The following PTCH1 variants were observed in gnomAD, a reference collection of about 807,000 sequenced individuals.
PTCH1 encodes protein patched homolog 1.
PTCH1 carries 14 observed loss-of-function variants against 144.6 expected under a neutral mutation model. That is an observed-to-expected ratio of 0.10 (90% CI 0.06 to 0.15). The LOEUF is 0.15. PTCH1 is among the 10% of genes least tolerant of loss of function. The probability of loss-of-function intolerance (pLI) is 1.00; values close to 1 mark genes in which losing one functional copy is unlikely to be tolerated. For synonymous variants in PTCH1, 833 were observed against 793.6 expected, an observed-to-expected ratio of 1.05 and a Z score of -0.83; for missense variants, 1,623 against 1,948.3, an observed-to-expected ratio of 0.83 and a Z score of 3.14.
chr9:95,457,335 A>G (rs2136656486), intron 18 of PTCH1, among the ~76,000 whole-genome samples: 1 of 152,286 alleles, frequency 6.6e-6, no homozygotes, highest in East Asian at 1.9e-4. Flanking sequence ...CAGACTAAAC[A>G]TTTACCTTTT....
Position 95,476,345 on chromosome 9 carries a change from T to C in PTCH1, c.1603-186A>G, listed in dbSNP as rs1325783470. 6.6e-6 allele frequency among the ~76,000 whole-genome samples: 1 copy of C among 152,094 alleles called. No homozygotes were observed. The highest frequency in any genetic ancestry group is 2.4e-5 in the African/African-American group (1 of 41,406). On this transcript the variant is annotated intron_variant, in intron 11 of 23. Coordinates refer to ENST00000331920, the MANE Select transcript of PTCH1 (RefSeq NM_000264.5). This position sits in a 1 kb window ranked among gnomAD's most constrained non-coding sequence, Gnocchi z 4.6. ...GCATTATTCAGTACCATCTACAGAGTCATCAATTCTTCATGGTTATTACCA... is the reference window on the plus strand; with the variant it reads ...GCATTATTCAGTACCATCTACAGAGCCATCAATTCTTCATGGTTATTACCA...
At chr9:95,452,328 GACACACACACACAC>G (rs59002919) in intron 20 of PTCH1, 4 of 147,772 alleles carry the variant, frequency 2.7e-5, no homozygotes, top group East Asian at 2.0e-4. Flanking sequence ...CTCTCTCTCT[GACACACACACACAC>G]ACACACACAC....
chr9:95,507,759 G>A lies in PTCH1; in HGVS notation c.201+402C>T, dbSNP rs1843816434. The A allele has an allele frequency of 1.3e-5, 3 of 238,708 alleles. 1 individual carries two copies. Among genetic ancestry groups the A allele is most frequent in the Non-Finnish European group, 2.2e-5 (3 of 138,434 alleles). 14.8% of individuals were successfully genotyped at this position (238,708 alleles called of 1,614,324 possible). ...AATGTGGCAGCCGTACAGGAGTTTA[G>A]GCTGCAAATAGGGGCAGGGGCGCAG... is the stretch of plus-strand genomic sequence containing the variant. On this transcript the variant is annotated intron_variant, in intron 1 of 23. Transcript: ENST00000331920.
intron 15 of PTCH1, among the ~76,000 whole-genome samples, chr9:95,465,517 G>A (rs1020234202): frequency 1.3e-5 from 2 of 152,146 alleles, no homozygotes; most frequent in Non-Finnish European, 2.9e-5. Context: ...AATAATCATG[G>A]CATGTTCTCT....
rs1388496324 is a variant in PTCH1 at position 95,467,338 on chromosome 9, T to G, written c.2338A>C (p.Ile780Leu). The G allele has an allele frequency of 3.1e-6, 5 of 1,614,216 alleles. No individual in the cohort carries two copies. Among genetic ancestry groups the G allele is most frequent in the Non-Finnish European group, 4.2e-6 (5 of 1,180,030 alleles). Residue 780 changes from isoleucine to leucine, a missense_variant, in exon 15 of 24, where the codon ATT becomes CTT. By Grantham distance (5) the Ile-to-Leu change is conservative (BLOSUM62 2). This residue lies in a region of PTCH1 where 504 missense variants were observed against 679.3 expected (regional missense o/e 0.74). Coordinates refer to ENST00000331920, the MANE Select transcript of PTCH1 (RefSeq NM_000264.5). Reference protein sequence around the residue: ...RVRDGLDLTDIVPRETREYDF... With the variant: ...RVRDGLDLTDLVPRETREYDF... ...TATTCTCTGGTTTCCCGAGGTACAA[T>G]GTCCGTAAGGTCCAGCCCGTCTCTC...
upstream of PTCH1, among the ~76,000 whole-genome samples, chr9:95,513,102 C>T (rs905095262): frequency 6.6e-6 from 1 of 152,190 alleles, no homozygotes; most frequent in African/African-American, 2.4e-5. Context: ...TCAAAAATGA[C>T]ATCAGATTAT....
rs571392683 is a variant in PTCH1 at position 95,467,075 on chromosome 9, G to A, written c.2560+41C>T. On this transcript the variant is annotated intron_variant, in intron 15 of 23. Transcript: ENST00000331920. ...AAAGGAACCTGTTGAAGCTGAACAC[G>A]CAAAAGACCGAAAGGACGAGAGCCT... is the stretch of plus-strand genomic sequence containing the variant. 12 of 1,594,696 alleles carry A rather than the reference G, an allele frequency of 7.5e-6. No individual in the cohort carries two copies. The South Asian group carries it at 7.7e-5, about 10-fold the overall frequency.
chr9:95,459,016 C>G (rs1030316763), intron 17 of PTCH1, among the ~76,000 whole-genome samples: 2 of 152,142 alleles, frequency 1.3e-5, no homozygotes, highest in Non-Finnish European at 2.9e-5. Flanking sequence ...TCCCTTGGCC[C>G]GGTATCCAAA....
chr9:95,480,504 G>A lies in PTCH1; in HGVS notation c.831C>T (p.Ser277=), dbSNP rs773794742. The stretch of plus-strand genomic sequence containing the variant: ...CAGCCTTATTCAGCATTTCCTCCCA[G>A]CTGTCCACTTGATAGTTTATTTTCT... ...ELKKINYQVD[S]WEEMLNKAEV... is the part of the protein sequence containing the mutation. The change falls in exon 6 of 24, where the codon AGC becomes AGT. Residue 277 remains serine (S), a synonymous_variant. Coordinates refer to ENST00000331920, the MANE Select transcript of PTCH1 (RefSeq NM_000264.5). 11 of 1,612,978 alleles carry A rather than the reference G, an allele frequency of 6.8e-6. No individual in the cohort carries two copies. Among genetic ancestry groups the A allele is most frequent in the Non-Finnish European group, 9.3e-6 (11 of 1,179,904 alleles).
At chr9:95,466,340 C>T (rs912767042) in intron 15 of PTCH1, among the ~76,000 whole-genome samples, 1 of 152,124 alleles carries the variant, frequency 6.6e-6, no homozygotes, top group South Asian at 2.1e-4. Context: ...AGCCACTGTG[C>T]CCCACCAAGA....
chr9:95,461,723 TTC>T, intron 16 of PTCH1, 131 bp downstream of exon 16: 1 of 1,284,092 alleles, frequency 7.8e-7, no homozygotes, highest in Non-Finnish European at 1.1e-6. Context: ...TCACCCAATA[TTC>T]TTTCTACCAG....
chr9:95,498,927 G>A (rs752286759), intron 2 of PTCH1, among the ~76,000 whole-genome samples: 2 of 152,186 alleles, frequency 1.3e-5, no homozygotes, highest in Non-Finnish European at 2.9e-5. Flanking sequence ...ATCTGGATAA[G>A]GAATTCCATC....
intron 16 of PTCH1, among the ~76,000 whole-genome samples, chr9:95,461,454 T>C (rs1839448229): frequency 6.6e-6 from 1 of 152,190 alleles, no homozygotes; most frequent in Non-Finnish European, 1.5e-5. Flanking sequence ...CTCATCCAAA[T>C]GACTGCTACC....
Position 95,508,877 on chromosome 9 carries a change from AGCC to A in PTCH1, c.-519_-517del, listed in dbSNP as rs932280647. 60 of 946,788 alleles carry A rather than the reference AGCC, an allele frequency of 6.3e-5. No homozygotes were observed. The highest frequency in any genetic ancestry group is 6.6e-5 in the Non-Finnish European group (53 of 797,626). 58.6% of individuals were successfully genotyped at this position (946,788 alleles called of 1,614,324 possible). ...GAGCGGCCGCGGAGGGCAAGCGCAG[AGCC>A]GCCGCCGCCGCGGGGTCCGAGGGTG... On this transcript the variant is annotated 5_prime_UTR_variant, in exon 1 of 24. Transcript: ENST00000331920.
At chr9:95,508,042 AGTGTGT>A (rs962367211) in intron 1 of PTCH1, 113 bp downstream of exon 1, 10 of 858,566 alleles carry the variant, frequency 1.2e-5, no homozygotes, top group South Asian at 5.6e-5. Flanking sequence ...GGTGTGAGTG[AGTGTGT>A]GTGTGTGTGT....
Position 95,508,740 on chromosome 9 carries a change from C to A in PTCH1, c.-379G>T, listed in dbSNP as rs2118915038. ...CGGCACTCCTTGCGGTCCCCAACTC[C>A]CCCTACCCGCCCCCCGCCCCGCGCC... On this transcript the variant is annotated 5_prime_UTR_variant, in exon 1 of 24. Coordinates refer to ENST00000331920, the MANE Select transcript of PTCH1 (RefSeq NM_000264.5). The A allele has an allele frequency of 1.0e-6, 1 of 985,856 alleles. No individual in the cohort carries two copies. Among genetic ancestry groups the A allele is most frequent in the African/African-American group, 1.7e-5 (1 of 57,296 alleles). The allele number at this position is 985,856 out of a possible 1,614,324, so 61.1% of individuals were successfully genotyped here.
rs953420421 is a variant in PTCH1, at chr9:95,443,610, T to C, written c.*2783A>G. 6.6e-6 allele frequency: 1 copy of C among 152,514 alleles called. No homozygotes were observed. The highest frequency in any genetic ancestry group is 1.5e-5 in the Non-Finnish European group (1 of 68,022). The allele number at this position is 152,514 out of a possible 1,614,324, so 9.4% of individuals were successfully genotyped here. ...CTGACTCTCTTAACACTGTTAAACA[T>C]TTTCTTTCCTTGCTGTAATTTACAA... is the stretch of plus-strand genomic sequence containing the variant. On this transcript the variant is annotated 3_prime_UTR_variant, in exon 24 of 24. Transcript: ENST00000331920.
Position 95,445,436 on chromosome 9 carries a change from G to A in PTCH1, c.*957C>T, listed in dbSNP as rs1837801412. 6.6e-6 allele frequency: 1 copy of A among 152,190 alleles called. No homozygotes were observed. The allele number at this position is 152,190 out of a possible 1,614,324, so 9.4% of individuals were successfully genotyped here. A position where few individuals can be genotyped will look rare whatever the true frequency, so the allele number is the denominator to read the frequency against. ...CACCGAATTCTCTAACACCCACCAT[G>A]ATGAACTGATGTGAGCTCCATACCC... is the stretch of plus-strand genomic sequence containing the variant. On this transcript the variant is annotated 3_prime_UTR_variant, in exon 24 of 24. Transcript: ENST00000331920.
At position 95,447,171 on chromosome 9, in the gene PTCH1, G is replaced by A. The variant is rs777731495; in HGVS notation, c.4085C>T (p.Pro1362Leu). ...AGTGGTGATGGGCTGGCAGTAGCCG[G>A]GCACGGAGCTGCCCATGGCAGTGGA... Reference protein sequence around the residue: ...PASTAMGSSVPGYCQPITTVT... With the variant: ...PASTAMGSSVLGYCQPITTVT... The change falls in exon 23 of 24, where the codon CCC becomes CTC. Residue 1362 changes from proline (P) to leucine (L), a missense_variant. By Grantham distance (98) the Pro-to-Leu change is moderately conservative. Transcript: ENST00000331920. 11 of 1,612,978 alleles carry A rather than the reference G, an allele frequency of 6.8e-6. No homozygotes were observed. In the South Asian group the frequency reaches 1.2e-4, roughly 18 times the overall value.
Sources: allele counts gnomAD v4.1 joint callset (sites outside exome capture counted in the v4.1 genomes callset), GRCh38; gene constraint gnomAD v4.1.1; regional missense constraint gnomAD v4.1.1; non-coding constraint Gnocchi (gnomAD v3.1); transcripts MANE v1.5; gene names NCBI Gene and HGNC (gene_info 2026-07-23, HGNC 2026-07-21).